The following PDLIM5 variants were observed in gnomAD, a reference collection of about 807,000 sequenced individuals.
PDLIM5 encodes PDZ and LIM domain protein 5.
In PDLIM5, 34 loss-of-function variants were observed where a neutral mutation model predicts 64.2. That is an observed-to-expected ratio of 0.53 (90% confidence interval 0.40 to 0.71). The LOEUF (loss-of-function observed/expected upper bound fraction) is 0.71. PDLIM5 is among the 30% of genes least tolerant of loss of function. The pLI is 0.00. For synonymous variants in PDLIM5, 253 were observed against 269.1 expected, an observed-to-expected ratio of 0.94 and a Z score of 0.59; for missense variants, 683 against 733.6, an observed-to-expected ratio of 0.93 and a Z score of 0.80.
rs572347137 is a variant in PDLIM5 at position 94,659,984 on chromosome 4, C to T, written c.1585+2437C>T. 1.1e-4 allele frequency among the ~76,000 whole-genome samples: 16 copies of T among 151,696 alleles called. 1 individual carries two copies. In the East Asian group the frequency reaches 1.8e-3, roughly 17 times the overall value. The stretch of plus-strand genomic sequence containing the variant: ...CGATCTCGGCTCACCGTAACCTCCA[C>T]CTCCCGGGTTCAGGCGATTCTTCTG... On this transcript the variant is annotated intron_variant, in intron 11 of 12. Coordinates refer to ENST00000317968, the MANE Select transcript of PDLIM5 (RefSeq NM_006457.5).
intron 2 of PDLIM5, among the ~76,000 whole-genome samples, chr4:94,523,434 A>T (rs1299953089): frequency 6.6e-6 from 1 of 152,252 alleles, no homozygotes. Context: ...ATTCATAAAA[A>T]TCACACAACT....
At chr4:94,595,203 T>A (rs1736974481) in intron 7 of PDLIM5, among the ~76,000 whole-genome samples, 1 of 151,996 alleles carries the variant, frequency 6.6e-6, no homozygotes, top group African/African-American at 2.4e-5. Flanking sequence ...CCTCAACACG[T>A]GGGGATTACA....
intron 3 of PDLIM5, among the ~76,000 whole-genome samples, chr4:94,540,366 C>T (rs531828353): frequency 6.6e-6 from 1 of 152,310 alleles, no homozygotes; most frequent in African/African-American, 2.4e-5. Flanking sequence ...GATCCGCCCG[C>T]CTCGGCCTCC....
Position 94,657,438 on chromosome 4 carries a change from T to C in PDLIM5, c.1476T>C (p.Ser492=). The C allele has an allele frequency of 6.3e-7, 1 of 1,594,648 alleles. No homozygotes were observed. The highest frequency in any genetic ancestry group is 8.6e-7 in the Non-Finnish European group (1 of 1,162,892). ...CQRKILGEVI[S]ALKQTWHVSC... ...CCTTTCTGTAACAGGAAGTCATCAGTGCGTTGAAACAAACTTGGCATGTTT... is the reference window on the plus strand; with the variant it reads ...CCTTTCTGTAACAGGAAGTCATCAGCGCGTTGAAACAAACTTGGCATGTTT... The change falls in exon 11 of 13, where the codon AGT becomes AGC. Residue 492 remains serine, a synonymous_variant. Transcript: ENST00000317968.
intron 2 of PDLIM5, among the ~76,000 whole-genome samples, chr4:94,506,626 G>C (rs895897300): frequency 1.3e-5 from 2 of 152,188 alleles, no homozygotes; most frequent in African/African-American, 4.8e-5. Flanking sequence ...CTGAATTTGA[G>C]ATTAAGTTTG....
At chr4:94,583,504 T>G (rs929226348) in intron 5 of PDLIM5, among the ~76,000 whole-genome samples, 3 of 152,196 alleles carry the variant, frequency 2.0e-5, no homozygotes, top group Non-Finnish European at 4.4e-5. Context: ...TATAAAATTT[T>G]TCAAGGACTT....
At chr4:94,456,305 T>C in intron 2 of PDLIM5, 1 of 526,154 alleles carries the variant, frequency 1.9e-6, no homozygotes, top group South Asian at 2.2e-5. Flanking sequence ...TTCAAGCGAT[T>C]CTCCTGCCTC....
chr4:94,579,462 TG>T, intron 5 of PDLIM5: 2 of 866,520 alleles, frequency 2.3e-6, no homozygotes, highest in Non-Finnish European at 3.5e-6. Context: ...AACCTGGCCT[TG>T]GAAGATTAAA....
Position 94,575,700 on chromosome 4 carries a change from A to C in PDLIM5, c.376A>C (p.Asn126His). The C allele has an allele frequency of 1.2e-6, 2 of 1,613,828 alleles. No individual in the cohort carries two copies. The highest frequency in any genetic ancestry group is 1.7e-6 in the Non-Finnish European group (2 of 1,179,746). ...CACTTCCACAAACAACATGGCCTAC[A>C]ATAAGGCACCACGGCCTTTTGGTTC... ...KVTSTNNMAYNKAPRPFGSVS... is the reference protein window; with the variant it reads ...KVTSTNNMAYHKAPRPFGSVS... Residue 126 changes from asparagine (N) to histidine (H), a missense_variant, in exon 5 of 13, where the codon AAT becomes CAT. Coordinates refer to ENST00000317968, the MANE Select transcript of PDLIM5 (RefSeq NM_006457.5).
At chr4:94,617,328 T>C (rs1354676977) in intron 7 of PDLIM5, among the ~76,000 whole-genome samples, 1 of 152,166 alleles carries the variant, frequency 6.6e-6, no homozygotes, top group African/African-American at 2.4e-5. Context: ...CAGGTAACTC[T>C]TGGTTGAGAG....
At chr4:94,576,560 T>G (rs868310394) in intron 5 of PDLIM5, among the ~76,000 whole-genome samples, 2 of 152,244 alleles carry the variant, frequency 1.3e-5, no homozygotes, top group Non-Finnish European at 1.5e-5. Context: ...CTAACAACAT[T>G]GTTTTCAGAT....
rs528959034 is a variant in PDLIM5 at position 94,651,503 on chromosome 4, A to C, written c.1284-2957A>C. Among the ~76,000 whole-genome samples the C allele has an allele frequency of 6.6e-5, 10 of 152,360 alleles. No homozygotes were observed. In the South Asian group the frequency reaches 1.2e-3, roughly 19 times the overall value. Reference sequence around the variant, plus strand: ...GACTTTTACAGGTATGTGAAATATAAGATAATCTTATAAATTACAAAAGGG... The same window carrying C: ...GACTTTTACAGGTATGTGAAATATACGATAATCTTATAAATTACAAAAGGG... On this transcript the variant is annotated intron_variant, in intron 9 of 12. Coordinates refer to ENST00000317968, the MANE Select transcript of PDLIM5 (RefSeq NM_006457.5).
intron 2 of PDLIM5, among the ~76,000 whole-genome samples, chr4:94,473,747 T>C (rs1479669016): frequency 6.6e-6 from 1 of 152,218 alleles, no homozygotes; most frequent in Admixed American, 6.5e-5. Context: ...CTGATTGCAA[T>C]GTTGTTTTAT....
chr4:94,587,380 T>C, intron 7 of PDLIM5: 1 of 1,115,166 alleles, frequency 9.0e-7, no homozygotes, highest in East Asian at 6.5e-5. Context: ...GAAAACGAAT[T>C]ATTTTCATAA....
At chr4:94,659,709 T>C (rs1221672999) in intron 11 of PDLIM5, among the ~76,000 whole-genome samples, 4 of 151,822 alleles carry the variant, frequency 2.6e-5, no homozygotes, top group Non-Finnish European at 5.9e-5. Flanking sequence ...TTTGTATTTT[T>C]AGTAGAGACG....
chr4:94,467,219 G>A (rs1207027562), intron 2 of PDLIM5, among the ~76,000 whole-genome samples: 1 of 152,148 alleles, frequency 6.6e-6, no homozygotes, highest in African/African-American at 2.4e-5. Context: ...TGATCACAGT[G>A]GTAATAGAGA....
intron 2 of PDLIM5, among the ~76,000 whole-genome samples, chr4:94,463,533 C>G (rs142290311): frequency 6.6e-6 from 1 of 152,044 alleles, no homozygotes; most frequent in African/African-American, 2.4e-5. Context: ...GTCATCTTCA[C>G]TTTGAGTAGG....
At chr4:94,523,365 A>G (rs1730002197) in intron 2 of PDLIM5, among the ~76,000 whole-genome samples, 1 of 152,216 alleles carries the variant, frequency 6.6e-6, no homozygotes, top group South Asian at 2.1e-4. Flanking sequence ...AACCCCATTC[A>G]GATTGCATTC....
At chr4:94,514,514 G>A (rs764294749) in intron 2 of PDLIM5, among the ~76,000 whole-genome samples, 3 of 152,096 alleles carry the variant, frequency 2.0e-5, no homozygotes, top group Non-Finnish European at 4.4e-5. Context: ...TTTCTGATGT[G>A]TCTTTGTCTG....
Sources: gnomAD v4.1 joint callset for allele counts (sites outside exome capture counted in the v4.1 genomes callset) on GRCh38, gnomAD v4.1.1 for gene constraint, MANE v1.5 for transcripts, NCBI Gene and HGNC (gene_info 2026-07-23, HGNC 2026-07-21) for gene names.